The following ADAMTSL1 variants were observed in gnomAD, a reference collection of about 807,000 sequenced individuals.
ADAMTSL1 encodes the protein ADAMTS-like protein 1.
Under a neutral mutation model 201.8 loss-of-function variants are expected in ADAMTSL1, and 126 were observed. The observed-to-expected ratio is 0.62, with a 90% CI of 0.54 to 0.72. ADAMTSL1 has a LOEUF of 0.72. Ranked by LOEUF, ADAMTSL1 falls within the 30% of genes least tolerant of loss-of-function variation. The pLI is 0.00. For synonymous variants in ADAMTSL1, 1,121 were observed against 903.4 expected, an observed-to-expected ratio of 1.24 and a Z score of -4.32; for missense variants, 2,679 against 2,277.8, an observed-to-expected ratio of 1.18 and a Z score of -3.59.
At position 18,724,909 on chromosome 9, in the gene ADAMTSL1, C is replaced by CTT. The variant is rs11403576; in HGVS notation, c.2006+3253_2006+3254dup. ...AACATAAATAGCCTCAGGATTGAAC[C>CTT]TTTTTTTTTTCTTTTGAGACAGAGT... is the stretch of plus-strand genomic sequence containing the variant. On this transcript the variant is annotated intron_variant, in intron 15 of 28. Transcript: ENST00000380548. Among the ~76,000 whole-genome samples, 336 of 148,446 alleles carry CTT rather than the reference C, an allele frequency of 2.3e-3. 1 individual carries two copies. The highest frequency in any genetic ancestry group is 7.4e-3 in the African/African-American group (302 of 40,560).
intron 2 of ADAMTSL1, among the ~76,000 whole-genome samples, chr9:18,425,861 A>G (rs1482069464): frequency 1.4e-5 from 2 of 145,208 alleles, no homozygotes; most frequent in African/African-American, 5.4e-5. Flanking sequence ...TGTCTCAAGA[A>G]AAAAAAAAAA....
At chr9:18,261,603 C>A (rs1465623060) in intron 2 of ADAMTSL1, among the ~76,000 whole-genome samples, 2 of 152,124 alleles carry the variant, frequency 1.3e-5, no homozygotes, top group African/African-American at 4.8e-5. Context: ...GGAAAATATT[C>A]CAACCTTTGA....
chr9:18,713,895 C>CT (rs1159487452), intron 14 of ADAMTSL1, among the ~76,000 whole-genome samples: 1 of 149,180 alleles, frequency 6.7e-6, no homozygotes, highest in African/African-American at 2.5e-5. Flanking sequence ...TTATAACAAA[C>CT]TATCTCTCAG....
chr9:18,722,661 ACTC>A, intron 15 of ADAMTSL1, among the ~76,000 whole-genome samples: 1 of 152,114 alleles, frequency 6.6e-6, no homozygotes, highest in East Asian at 1.9e-4. Context: ...CCATGGTGAC[ACTC>A]CTCCTGCTAG....
intron 2 of ADAMTSL1, among the ~76,000 whole-genome samples, chr9:18,205,581 C>T (rs757696069): frequency 4.6e-5 from 7 of 152,056 alleles, no homozygotes; most frequent in Non-Finnish European, 1.0e-4. Flanking sequence ...GGAACATGAT[C>T]AAGGTTCCAC....
chr9:18,110,848 A>G (rs889151376), intron 1 of ADAMTSL1, among the ~76,000 whole-genome samples: 1 of 152,174 alleles, frequency 6.6e-6, no homozygotes, highest in Non-Finnish European at 1.5e-5. Flanking sequence ...TGATATGAAG[A>G]ATAAGAGTCA....
At chr9:18,656,198 C>T (rs1193163304) in intron 7 of ADAMTSL1, among the ~76,000 whole-genome samples, 1 of 151,706 alleles carries the variant, frequency 6.6e-6, no homozygotes, top group Non-Finnish European at 1.5e-5. Flanking sequence ...GGCCCTGTTT[C>T]TTCAATATTC....
At chr9:18,020,580 G>A (rs996312982) in intron 1 of ADAMTSL1, among the ~76,000 whole-genome samples, 1 of 152,054 alleles carries the variant, frequency 6.6e-6, no homozygotes, top group Non-Finnish European at 1.5e-5. Context: ...CAGCTCTTAT[G>A]AGAACTCACT....
rs1817885635 is a variant in ADAMTSL1, at chr9:18,509,376, C to T, written c.191+4420C>T. On this transcript the variant is annotated intron_variant, in intron 2 of 28. Transcript: ENST00000380548. ...ATTTATTAGTTTACTCCCCTTACTT[C>T]CTTACGCTAATGGTAACTCTAATTG... Among the ~76,000 whole-genome samples the T allele has an allele frequency of 2.6e-5, 4 of 152,172 alleles. 1 individual carries two copies. The highest frequency in any genetic ancestry group is 2.6e-4 in the Admixed American group (4 of 15,280).
At chr9:17,980,189 C>T (rs1818630616) in intron 1 of ADAMTSL1, among the ~76,000 whole-genome samples, 3 of 152,106 alleles carry the variant, frequency 2.0e-5, no homozygotes, top group Non-Finnish European at 4.4e-5. Flanking sequence ...CACCCAGATG[C>T]TATAATTTCT....
At chr9:18,341,444 T>G (rs933601876) in intron 2 of ADAMTSL1, among the ~76,000 whole-genome samples, 1 of 152,166 alleles carries the variant, frequency 6.6e-6, no homozygotes, top group Non-Finnish European at 1.5e-5. Context: ...AGTTTCCAAA[T>G]GACTTTCATT....
At chr9:18,569,520 G>A (rs1010376801) in intron 3 of ADAMTSL1, among the ~76,000 whole-genome samples, 2 of 152,094 alleles carry the variant, frequency 1.3e-5, no homozygotes, top group South Asian at 4.1e-4. Flanking sequence ...GAAATAGGCA[G>A]GAAACCAAGA....
chr9:18,281,670 C>T (rs1280385566), intron 2 of ADAMTSL1, among the ~76,000 whole-genome samples: 2 of 152,212 alleles, frequency 1.3e-5, no homozygotes, highest in Admixed American at 6.5e-5. Flanking sequence ...ATGAACGCCT[C>T]AAAGGGCTCA....
At chr9:18,458,155 G>A (rs1820677898) in intron 2 of ADAMTSL1, among the ~76,000 whole-genome samples, 1 of 152,142 alleles carries the variant, frequency 6.6e-6, no homozygotes, top group South Asian at 2.1e-4. Context: ...TAATTATAGA[G>A]TTTGAAGGGA....
chr9:18,459,746 G>A (rs571348226), intron 2 of ADAMTSL1, among the ~76,000 whole-genome samples: 3 of 152,274 alleles, frequency 2.0e-5, no homozygotes, highest in South Asian at 2.1e-4. Context: ...AGATGTATTA[G>A]GTAACTGTAA....
chr9:18,187,618 CA>C (rs1366479716), intron 2 of ADAMTSL1, among the ~76,000 whole-genome samples: 3 of 151,968 alleles, frequency 2.0e-5, no homozygotes, highest in Non-Finnish European at 4.4e-5. Flanking sequence ...TTTGGGTACA[CA>C]AGAAAAGTTG....
rs908117571 is a variant in ADAMTSL1, at chr9:18,180,361, G to A, written c.207+16380G>A. On this transcript the variant is annotated intron_variant, in intron 2 of 29. Transcript: ENST00000680146. ...ATCCCGGCTAAAACGGTGAAACCCC[G>A]TCTCTACTAAAAATACAAAAAATTA... Among the ~76,000 whole-genome samples, 9 of 151,830 alleles carry A rather than the reference G, an allele frequency of 5.9e-5. No homozygotes were observed. In the East Asian group the frequency reaches 7.8e-4, roughly 13 times the overall value.
intron 5 of ADAMTSL1, among the ~76,000 whole-genome samples, chr9:18,635,575 G>A (rs981397867): frequency 3.3e-5 from 5 of 152,084 alleles, no homozygotes; most frequent in Admixed American, 1.3e-4. Context: ...AGATTTTGAT[G>A]TAATAAATTC....
intron 21 of ADAMTSL1, among the ~76,000 whole-genome samples, chr9:18,823,156 C>T (rs1006595127): frequency 3.9e-5 from 6 of 152,152 alleles, no homozygotes; most frequent in Non-Finnish European, 7.3e-5. Context: ...ATACCTACAT[C>T]GGCAAACTCA....
Sources: allele counts gnomAD v4.1 joint callset (sites outside exome capture counted in the v4.1 genomes callset), GRCh38; gene constraint gnomAD v4.1.1; transcripts MANE v1.5; gene names NCBI Gene and HGNC (gene_info 2026-07-23, HGNC 2026-07-21).